Variants in RNF228 observed in about 807,000 individuals in gnomAD.
RNF228 encodes the protein ring finger protein 228.
the RNF228 span, chr2:222,318,654 C>G: frequency 1.3e-5 from 2 of 152,368 alleles, no homozygotes; most frequent in South Asian, 2.1e-4. Flanking sequence ...GGCTCCCCCT[C>G]CCCTTGCTTC....
At chr2:222,314,213 T>G in the RNF228 span, among the ~76,000 whole-genome samples, 1 of 152,252 alleles carries the variant, frequency 6.6e-6, no homozygotes, top group Non-Finnish European at 1.5e-5. Context: ...AGAAACAAAC[T>G]TGTTTTTCTT....
At chr2:222,320,112 C>A in the RNF228 span, among the ~76,000 whole-genome samples, 1 of 152,116 alleles carries the variant, frequency 6.6e-6, no homozygotes, top group African/African-American at 2.4e-5. Flanking sequence ...GCCTTCCTCC[C>A]CCTGCACCGC....
chr2:222,319,361 G>C, the RNF228 span: 4 of 351,468 alleles, frequency 1.1e-5, no homozygotes, highest in Non-Finnish European at 2.1e-5. This position sits in a 1 kb window ranked among gnomAD's most constrained non-coding sequence, Gnocchi z 7.6. Context: ...CCACGCACAC[G>C]CAGCCAGCGG....
chr2:222,318,783 C>CG, the RNF228 span: 2 of 150,616 alleles, frequency 1.3e-5, no homozygotes, highest in African/African-American at 2.4e-5. Flanking sequence ...CCCCCCCCCC[C>CG]ACCAACATCC....
At chr2:222,318,420 G>T in the RNF228 span, 2 of 152,284 alleles carry the variant, frequency 1.3e-5, no homozygotes, top group Non-Finnish European at 2.9e-5. Context: ...GTGCCGGCGG[G>T]GAGTGTCCGT....
At chr2:222,317,094 C>A in the RNF228 span, 1 of 152,116 alleles carries the variant, frequency 6.6e-6, no homozygotes, top group African/African-American at 2.4e-5. Context: ...ATCTTAGCAA[C>A]GCACATTTCC....
chr2:222,315,549 A>T, the RNF228 span, among the ~76,000 whole-genome samples: 34 of 152,094 alleles, frequency 2.2e-4, no homozygotes, highest in Non-Finnish European at 4.1e-4. Context: ...TTTCCAAAGA[A>T]TTTTCATGAA....
At chr2:222,316,653 A>G in the RNF228 span, among the ~76,000 whole-genome samples, 1 of 152,232 alleles carries the variant, frequency 6.6e-6, no homozygotes, top group Non-Finnish European at 1.5e-5. Flanking sequence ...CACATGTACA[A>G]TGGTTACAGC....
the RNF228 span, among the ~76,000 whole-genome samples, chr2:222,315,952 C>T: frequency 6.6e-6 from 1 of 152,080 alleles, no homozygotes; most frequent in Non-Finnish European, 1.5e-5. Context: ...CAAGCAGGTA[C>T]AGAGACCAGA....
the RNF228 span, chr2:222,319,095 C>T: frequency 2.1e-5 from 4 of 192,330 alleles, no homozygotes; most frequent in Non-Finnish European, 4.2e-5. This position sits in a 1 kb window ranked among gnomAD's most constrained non-coding sequence, Gnocchi z 7.6. Context: ...GCCGCCGCTG[C>T]CCCCCGTCGA....
the RNF228 span, among the ~76,000 whole-genome samples, chr2:222,314,166 T>A: frequency 1.1e-3 from 174 of 152,330 alleles, no homozygotes; most frequent in Non-Finnish European, 2.0e-3. Flanking sequence ...CTTCTCCAAG[T>A]ATATTTTATA....
At chr2:222,317,607 T>C in the RNF228 span, 1 of 152,330 alleles carries the variant, frequency 6.6e-6, no homozygotes, top group African/African-American at 2.4e-5. Context: ...TTGCAACATA[T>C]ACTGGCAATT....
chr2:222,318,395 G>C, the RNF228 span: 1 of 152,244 alleles, frequency 6.6e-6, no homozygotes. Context: ...CCTGAGCTCC[G>C]GGCACGCCCG....
At chr2:222,319,232 C>G in the RNF228 span, 1,097 of 327,138 alleles carry the variant, frequency 3.4e-3, 7 homozygotes, top group South Asian at 7.0e-3. The surrounding 1 kb of genome is among the most constrained non-coding windows in gnomAD (Gnocchi z 7.6). Flanking sequence ...GCGAGGGCGA[C>G]CCGGTGGCCG....
the RNF228 span, among the ~76,000 whole-genome samples, chr2:222,316,454 G>C: frequency 6.6e-6 from 1 of 152,198 alleles, no homozygotes; most frequent in South Asian, 2.1e-4. Flanking sequence ...GAAGCAAAAT[G>C]TGGCTTCTGT....
the RNF228 span, among the ~76,000 whole-genome samples, chr2:222,316,064 A>T: frequency 2.0e-5 from 3 of 152,134 alleles, no homozygotes. Flanking sequence ...GGAAAAAAAA[A>T]TACCACTTTC....
the RNF228 span, among the ~76,000 whole-genome samples, chr2:222,320,070 T>C: frequency 6.6e-6 from 1 of 152,050 alleles, no homozygotes; most frequent in Non-Finnish European, 1.5e-5. Context: ...TGCCATGGCA[T>C]GATCCGCCCC....
chr2:222,315,671 A>G, the RNF228 span, among the ~76,000 whole-genome samples: 2 of 152,198 alleles, frequency 1.3e-5, no homozygotes, highest in Non-Finnish European at 2.9e-5. Flanking sequence ...AGGAGGTTAA[A>G]TGATTTTTAA....
the RNF228 span, among the ~76,000 whole-genome samples, chr2:222,316,863 T>C: frequency 6.6e-6 from 1 of 152,078 alleles, no homozygotes; most frequent in South Asian, 2.1e-4. Context: ...ACACAAGACA[T>C]GGGGGTATAA....
Sources: allele counts gnomAD v4.1 joint callset (sites outside exome capture counted in the v4.1 genomes callset), GRCh38; gene constraint gnomAD v4.1.1; non-coding constraint Gnocchi (gnomAD v3.1); transcripts MANE v1.5; gene names NCBI Gene and HGNC (gene_info 2026-07-23, HGNC 2026-07-21).